RCOR2: variants seen among roughly 807,000 people sequenced by gnomAD.
RCOR2 encodes the protein REST corepressor 2.
In RCOR2, 19 loss-of-function variants were observed where a neutral mutation model predicts 58.9. That is an observed-to-expected ratio of 0.32 (90% confidence interval 0.23 to 0.47). The LOEUF is 0.47. Ranked by LOEUF, RCOR2 falls within the 20% of genes least tolerant of loss-of-function variation. The pLI, the probability that RCOR2 is intolerant of heterozygous loss-of-function variation, is 1.00. For synonymous variants in RCOR2, 286 were observed against 278.7 expected (o/e 1.03, Z -0.26); for missense variants, 590 against 707.9 (o/e 0.83, Z 1.89).
chr11:63,926,760 G>A, the RCOR2 span, among the ~76,000 whole-genome samples: 2 of 149,216 alleles, frequency 1.3e-5, no homozygotes, highest in Non-Finnish European at 3.0e-5. Flanking sequence ...CTGCAGGCAT[G>A]AGCCACTGTG....
At chr11:63,924,348 C>T in the RCOR2 span, among the ~76,000 whole-genome samples, 1 of 152,170 alleles carries the variant, frequency 6.6e-6, no homozygotes. Flanking sequence ...GCTGGGATTA[C>T]AGGCATGCAC....
chr11:63,924,855 A>ATTTTTT, the RCOR2 span, among the ~76,000 whole-genome samples: 900 of 143,730 alleles, frequency 6.3e-3, 19 homozygotes, highest in South Asian at 0.016. Flanking sequence ...AGCCAAGGTG[A>ATTTTTT]TTTTTTTTTT....
At position 63,912,397 on chromosome 11, in the gene RCOR2, C is replaced by T; in HGVS notation, c.1165G>A (p.Glu389Lys). 2 of 1,613,870 alleles carry T rather than the reference C, an allele frequency of 1.2e-6. No individual in the cohort carries two copies. Among genetic ancestry groups the T allele is most frequent in the South Asian group, 2.2e-5 (2 of 91,082 alleles). Residue 389 changes from glutamate (E) to lysine (K), a missense_variant, in exon 11 of 12, where the codon GAG becomes AAG. Around this residue, in one of 3 missense-constraint regions of RCOR2, gnomAD observed 196 missense variants for 210.7 expected, o/e 0.93. Transcript: ENST00000301459. ...LEEVLQEWEA[E>K]QDGAPGAPVP... The stretch of plus-strand genomic sequence containing the variant: ...GGGGCTCCAGGGGCCCCATCCTGCT[C>T]AGCCTCCCATTCCTGCAGCACCTCC...
upstream of RCOR2, among the ~76,000 whole-genome samples, chr11:63,918,720 G>A (rs142562293): frequency 6.6e-6 from 1 of 152,226 alleles, no homozygotes; most frequent in Non-Finnish European, 1.5e-5. Context: ...CCTCCTGCCT[G>A]GCAGGCAACC....
At chr11:63,920,971 G>A (rs543546359), upstream of RCOR2, among the ~76,000 whole-genome samples, 25 of 150,886 alleles carry the variant, frequency 1.7e-4, no homozygotes, top group South Asian at 4.3e-4. Context: ...GCACCACCCC[G>A]GCACGGTGGC....
intron 6 of RCOR2, 28 bp from the exon 7 acceptor site, chr11:63,914,358 T>C: frequency 6.2e-7 from 1 of 1,613,314 alleles, no homozygotes; most frequent in Non-Finnish European, 8.5e-7. Flanking sequence ...AGGGAGGGAA[T>C]GAGGCAGCTG....
At position 63,912,367 on chromosome 11, in the gene RCOR2, G is replaced by T; in HGVS notation, c.1195C>A (p.Pro399Thr). ...GCCCCTCTCCTAGCCTCCTCCATGG[G>T]GACTGGGGCTCCAGGGGCCCCATCC... Reference protein sequence around the residue: ...EQDGAPGAPVPMEEARRGAPL... With the variant: ...EQDGAPGAPVTMEEARRGAPL... Residue 399 changes from proline (P) to threonine (T), a missense_variant, in exon 11 of 12, where the codon CCC (proline) becomes ACC (threonine). Pro to Thr is a conservative substitution (Grantham distance 38). Transcript: ENST00000301459. 1.9e-6 allele frequency: 3 copies of T among 1,613,680 alleles called. No homozygotes were observed. The highest frequency in any genetic ancestry group is 1.3e-5 in the African/African-American group (1 of 74,948).
Position 63,915,173 on chromosome 11 carries a change from C to T in RCOR2, c.265+5G>A, listed in dbSNP as rs1324801298. The T allele has an allele frequency of 6.4e-7, 1 of 1,551,178 alleles. No homozygotes were observed. The highest frequency in any genetic ancestry group is 8.7e-7 in the Non-Finnish European group (1 of 1,146,670). On this transcript the variant is annotated splice_donor_5th_base_variant and intron_variant, in intron 3 of 11. Transcript: ENST00000301459. The stretch of plus-strand genomic sequence containing the variant: ...CCCCACCTCCCAGGGCTGTGCCCCA[C>T]TCACGCTTGGCATCTGACACACAGT...
In RCOR2 at chr11:63,914,400, C is replaced by T; in HGVS notation, c.605+17G>A. 1 of 1,613,356 alleles carries T rather than the reference C, an allele frequency of 6.2e-7. No individual in the cohort carries two copies. ...GCTCTACCTACCCCCATGCCCAGTG[C>T]TTGCTCCTGCCCCCACCTGTCTTCT... On this transcript the variant is annotated intron_variant, in intron 6 of 11. Transcript: ENST00000301459.
chr11:63,914,593 G>C (rs1342928939), intron 5 of RCOR2, 52 bp from the exon 6 acceptor site: 7 of 1,611,028 alleles, frequency 4.3e-6, no homozygotes, highest in Admixed American at 1.7e-5. Context: ...CTGGGCCCCA[G>C]GTAAGCTCTT....
intron 1 of RCOR2, 121 bp from the exon 2 acceptor site, chr11:63,915,732 TC>T (rs1460065761): frequency 1.7e-5 from 14 of 822,522 alleles, no homozygotes; most frequent in Non-Finnish European, 6.0e-6. Flanking sequence ...GCCCCCACCT[TC>T]CAGGAGGCTC....
intron 1 of RCOR2, 58 bp downstream of exon 1, chr11:63,916,272 C>T (rs1941855554): frequency 2.1e-6 from 3 of 1,447,010 alleles, no homozygotes; most frequent in Admixed American, 1.9e-5. Flanking sequence ...TTCCCCCTCC[C>T]GCCCCACTCC....
rs144368985 is a variant in RCOR2, at chr11:63,912,475, G to C, written c.1087C>G (p.Leu363Val). ...AIAEVIGNKT[L>V]TQVKTFFVSY... ...ACAAAGAAAGTCTTCACCTGGGTCA[G>C]AGTCTTGTTCCCAATCACCTCTGCA... Residue 363 changes from leucine to valine, a missense_variant, in exon 11 of 12, where the codon CTG becomes GTG. Physicochemically the swap from Leu to Val is conservative, Grantham distance 32. Transcript: ENST00000301459. 2,606 of 1,614,036 alleles carry C rather than the reference G, an allele frequency of 1.6e-3. 3 individuals carry two copies. The highest frequency in any genetic ancestry group is 2.1e-3 in the Non-Finnish European group (2,432 of 1,179,992).
chr11:63,924,226 G>T, the RCOR2 span, among the ~76,000 whole-genome samples: 1 of 148,548 alleles, frequency 6.7e-6, no homozygotes, highest in Non-Finnish European at 1.5e-5. Context: ...TTTATTTTTT[G>T]AGAAGGAGTC....
At chr11:63,915,293 G>C (rs201240883) in intron 2 of RCOR2, 35 bp from the exon 3 acceptor site, 2 of 1,534,418 alleles carry the variant, frequency 1.3e-6, no homozygotes, top group East Asian at 2.4e-5. Flanking sequence ...AAGACACTCA[G>C]ATCAGCCTGG....
rs1941858664 is a variant in RCOR2 at position 63,916,423 on chromosome 11, A to G, written c.34T>C (p.Ser12Pro). The change falls in exon 1 of 12, where the codon TCT becomes CCT. Residue 12 changes from serine to proline, a missense_variant. Physicochemically the swap from Ser to Pro is moderately conservative, Grantham distance 74. Coordinates refer to ENST00000301459, the MANE Select transcript of RCOR2 (RefSeq NM_173587.4). ...GCCCGGCTACGGGACAGGATCCCAG[A>G]GCCCGCGCTCGGCTTCTCCATCACT... ...PSVMEKPSAG[S>P]GILSRSRAKT... is the part of the protein sequence containing the mutation. 1 of 1,607,934 alleles carries G rather than the reference A, an allele frequency of 6.2e-7. No individual in the cohort carries two copies. The highest frequency in any genetic ancestry group is 8.5e-7 in the Non-Finnish European group (1 of 1,177,976).
intron 8 of RCOR2, 97 bp from the exon 9 acceptor site, chr11:63,913,044 A>ACTG (rs2134245204): frequency 9.9e-7 from 1 of 1,011,146 alleles, no homozygotes; most frequent in African/African-American, 1.6e-5. Context: ...CACCAGCACC[A>ACTG]CTGCCCCGGC....
intron 7 of RCOR2, 26 bp downstream of exon 7, chr11:63,914,235 A>G (rs1565160953): frequency 6.2e-7 from 1 of 1,613,428 alleles, no homozygotes; most frequent in Non-Finnish European, 8.5e-7. Context: ...ACAGGCAGGC[A>G]GGGCCCAGAG....
In RCOR2 at chr11:63,911,945, G is replaced by T. The variant is rs754130043; in HGVS notation, c.1492C>A (p.Arg498Ser). The change falls in exon 12 of 12, where the codon CGC becomes AGC. Residue 498 changes from arginine to serine, a missense_variant. Arg to Ser is a moderately radical substitution (Grantham distance 110). Transcript: ENST00000301459. ...PLIRPALAAP[R>S]HSARPGPQPP... is the part of the protein sequence containing the mutation. ...TGAGGGCCAGGGCGGGCGCTGTGGC[G>T]GGGGGCAGCCAGAGCGGGGCGGATG... 63 of 1,323,608 alleles carry T rather than the reference G, an allele frequency of 4.8e-5. No individual in the cohort carries two copies. The South Asian group carries it at 9.4e-4, about 20-fold the overall frequency. 82.0% of individuals were successfully genotyped at this position (1,323,608 alleles called of 1,614,324 possible). A position where few individuals can be genotyped will look rare whatever the true frequency, so the allele number is the denominator to read the frequency against.
Sources: gnomAD v4.1 joint callset for allele counts (sites outside exome capture counted in the v4.1 genomes callset) on GRCh38, gnomAD v4.1.1 for gene constraint, gnomAD v4.1.1 regional missense constraint, MANE v1.5 for transcripts, NCBI Gene and HGNC (gene_info 2026-07-23, HGNC 2026-07-21) for gene names.